The following ENPP2 variants were observed in gnomAD, a reference collection of about 807,000 sequenced individuals.
ENPP2 encodes the protein ectonucleotide pyrophosphatase/phosphodiesterase 2, also known as autotaxin.
A neutral mutation model predicts 120.2 loss-of-function variants in ENPP2; 51 were observed. That is an observed-to-expected ratio of 0.42 (90% CI 0.34 to 0.54). The LOEUF is 0.54. ENPP2 is among the 20% of genes least tolerant of loss of function. The probability of loss-of-function intolerance (pLI) is 0.04; values close to 1 mark genes in which losing one functional copy is unlikely to be tolerated. For synonymous variants in ENPP2, 365 were observed against 366.4 expected, an observed-to-expected ratio of 1.00 and a Z score of 0.04; for missense variants, 920 against 1,066.5, an observed-to-expected ratio of 0.86 and a Z score of 1.91.
chr8:119,607,689 TAGAG>T (rs1386059216), intron 9 of ENPP2, among the ~76,000 whole-genome samples: 5 of 137,902 alleles, frequency 3.6e-5, no homozygotes, highest in South Asian at 2.2e-4. Context: ...AAAAAAAAAA[TAGAG>T]AGAGACAGGA....
chr8:119,584,258 AC>A (rs1812952306), intron 15 of ENPP2, among the ~76,000 whole-genome samples: 1 of 152,168 alleles, frequency 6.6e-6, no homozygotes, highest in Admixed American at 6.5e-5. Flanking sequence ...ATAAATGGCG[AC>A]CTGTGAACTG....
rs1426122155 is a variant in ENPP2 at position 119,557,161 on chromosome 8, A to G, written c.*360T>C. Reference sequence around the variant, plus strand: ...ATATATCTGTCATAGTTAACAGTTAACAGCAAATAAAGGCAACTTTACAAA... The same window carrying G: ...ATATATCTGTCATAGTTAACAGTTAGCAGCAAATAAAGGCAACTTTACAAA... On this transcript the variant is annotated 3_prime_UTR_variant, in exon 25 of 25. Coordinates refer to ENST00000075322, the MANE Select transcript of ENPP2 (RefSeq NM_001040092.3). 1.2e-5 allele frequency: 2 copies of G among 166,670 alleles called. No individual in the cohort carries two copies. The highest frequency in any genetic ancestry group is 2.6e-5 in the Non-Finnish European group (2 of 77,082). 10.3% of individuals were successfully genotyped at this position (166,670 alleles called of 1,614,324 possible).
At chr8:119,559,693 G>A (rs1813760387) in intron 24 of ENPP2, among the ~76,000 whole-genome samples, 1 of 152,166 alleles carries the variant, frequency 6.6e-6, no homozygotes, top group Admixed American at 6.5e-5. Flanking sequence ...AGCAAGGTAG[G>A]GAGGACAGGA....
chr8:119,593,212 C>A (rs144647762), intron 12 of ENPP2, among the ~76,000 whole-genome samples: 70 of 152,294 alleles, frequency 4.6e-4, no homozygotes, highest in African/African-American at 1.7e-3. Flanking sequence ...TTCTTCCTCT[C>A]TTTAACAGTC....
At chr8:119,627,857 G>A (rs113752029) in intron 2 of ENPP2, among the ~76,000 whole-genome samples, 233 of 105,456 alleles carry the variant, frequency 2.2e-3, no homozygotes, top group African/African-American at 9.7e-3. Context: ...GTGAAACTCC[G>A]TCTTAAAAAT....
intron 1 of ENPP2, among the ~76,000 whole-genome samples, chr8:119,658,341 G>A (rs1315067779): frequency 6.6e-6 from 1 of 152,182 alleles, no homozygotes; most frequent in East Asian, 1.9e-4. Context: ...TGCAATCATA[G>A]CTAACTTCAG....
chr8:119,567,463 A>G (rs575452382), intron 22 of ENPP2, among the ~76,000 whole-genome samples: 4 of 152,330 alleles, frequency 2.6e-5, no homozygotes, highest in African/African-American at 7.2e-5. Flanking sequence ...GCCTGTGGTC[A>G]CACTCCAGGA....
At chr8:119,618,301 G>T in intron 5 of ENPP2, 1 of 494,658 alleles carries the variant, frequency 2.0e-6, no homozygotes, top group South Asian at 1.5e-5. Flanking sequence ...CTCCCCAGGA[G>T]ATGCTTTTGT....
Position 119,666,122 on chromosome 8 carries a change from C to T in ENPP2, c.21+7130G>A, listed in dbSNP as rs144167485. On this transcript the variant is annotated intron_variant, in intron 1 of 25. Transcript: ENST00000427067. ...ATGGACAATTCCAATTTTAAGACTA[C>T]ATACACATAAAAGAATATAGACGGG... 9.5e-4 allele frequency among the ~76,000 whole-genome samples: 145 copies of T among 152,308 alleles called. 2 individuals are homozygous for T. The East Asian group carries it at 0.02, about 21-fold the overall frequency.
At chr8:119,653,804 C>T (rs929555290) in intron 1 of ENPP2, among the ~76,000 whole-genome samples, 10 of 152,032 alleles carry the variant, frequency 6.6e-5, no homozygotes, top group Middle Eastern at 3.4e-3. Context: ...TTAATGAGCA[C>T]GCTTGTGACT....
intron 20 of ENPP2, among the ~76,000 whole-genome samples, 162 bp from the exon 21 acceptor site, chr8:119,569,532 AGTTTT>A (rs1814777249): frequency 6.6e-6 from 1 of 152,186 alleles, no homozygotes; most frequent in African/African-American, 2.4e-5. Flanking sequence ...AAAAGTCCTT[AGTTTT>A]AAGTACAGTA....
chr8:119,583,543 C>G (rs1339373078), intron 17 of ENPP2, among the ~76,000 whole-genome samples, 174 bp downstream of exon 17: 1 of 152,168 alleles, frequency 6.6e-6, no homozygotes, highest in Non-Finnish European at 1.5e-5. Flanking sequence ...GACAAAGAAG[C>G]CTTAGAAGGG....
chr8:119,592,817 C>T (rs1029078837), intron 12 of ENPP2: 2 of 174,548 alleles, frequency 1.1e-5, no homozygotes, highest in Non-Finnish European at 2.1e-5. Context: ...GAAAGCTAAT[C>T]CCTTTGGCTT....
intron 3 of ENPP2, among the ~76,000 whole-genome samples, chr8:119,623,139 G>A (rs1436379662): frequency 2.0e-5 from 3 of 152,104 alleles, no homozygotes; most frequent in Admixed American, 6.6e-5. Flanking sequence ...TCTACCAAGA[G>A]AAACAACTAT....
At chr8:119,641,216 G>C (rs1373719099), upstream of ENPP2, among the ~76,000 whole-genome samples, 2 of 151,558 alleles carry the variant, frequency 1.3e-5, no homozygotes, top group Non-Finnish European at 2.9e-5. Flanking sequence ...CAAGATTATT[G>C]TTATAAATTA....
At chr8:119,615,321 T>G (rs1815384077) in intron 8 of ENPP2, among the ~76,000 whole-genome samples, 1 of 152,146 alleles carries the variant, frequency 6.6e-6, no homozygotes, top group African/African-American at 2.4e-5. Context: ...TTCTACATGT[T>G]TCTGATTGCC....
intron 19 of ENPP2, chr8:119,572,948 T>C (rs1051986038): frequency 6.6e-6 from 1 of 152,224 alleles, no homozygotes; most frequent in Non-Finnish European, 1.5e-5. Context: ...GCATATGAAG[T>C]TAAACCAGGC....
In ENPP2 at chr8:119,617,031, C is replaced by A. The variant is rs1815502858; in HGVS notation, c.657+133G>T. Reference sequence around the variant, plus strand: ...AAGGCATTTGCTGTGAACAAATGACCCAGTTAAGATGGAAAACAGAAAGAT... The same window carrying A: ...AAGGCATTTGCTGTGAACAAATGACACAGTTAAGATGGAAAACAGAAAGAT... On this transcript the variant is annotated intron_variant, in intron 7 of 24. Coordinates refer to ENST00000075322, the MANE Select transcript of ENPP2 (RefSeq NM_001040092.3). 9.4e-6 allele frequency: 6 copies of A among 639,306 alleles called. No individual in the cohort carries two copies. The Admixed American group carries it at 1.4e-4, about 15-fold the overall frequency. 39.6% of individuals were successfully genotyped at this position (639,306 alleles called of 1,614,324 possible).
rs766417245 is a variant in ENPP2, at chr8:119,583,943, C to T, written c.1455+19G>A. 1 of 1,591,090 alleles carries T rather than the reference C, an allele frequency of 6.3e-7. No individual in the cohort carries two copies. The highest frequency in any genetic ancestry group is 1.7e-5 in the Admixed American group (1 of 59,896). ...GAACCACTAAAACACAATTTCAATT[C>T]ACAGTTCTGCCATCATACCTGCATG... On this transcript the variant is annotated intron_variant, in intron 16 of 24. Coordinates refer to ENST00000075322, the MANE Select transcript of ENPP2 (RefSeq NM_001040092.3).
Sources: gnomAD v4.1 joint callset for allele counts (sites outside exome capture counted in the v4.1 genomes callset) on GRCh38, gnomAD v4.1.1 for gene constraint, MANE v1.5 for transcripts, NCBI Gene and HGNC (gene_info 2026-07-23, HGNC 2026-07-21) for gene names.